FAM234A: variants seen among roughly 807,000 people sequenced by gnomAD.
FAM234A encodes the protein protein FAM234A.
FAM234A carries 42 observed loss-of-function variants against 49.1 expected under a neutral mutation model. That is an observed-to-expected ratio of 0.86 (90% CI 0.67 to 1.11). The LOEUF is 1.11. Among genes scored for constraint, FAM234A ranks in the 50% least tolerant of loss-of-function variants. The pLI, the probability that FAM234A is intolerant of heterozygous loss-of-function variation, is 0.00. For synonymous variants in FAM234A, 369 were observed against 316.2 expected (o/e 1.17, Z -1.77); for missense variants, 815 against 745.2 (o/e 1.09, Z -1.09).
Position 247,296 on chromosome 16 carries a change from AT to A in FAM234A, c.-139-2243del, listed in dbSNP as rs909454078. 4.3e-4 allele frequency among the ~76,000 whole-genome samples: 62 copies of A among 145,628 alleles called. No individual in the cohort carries two copies. In the South Asian group the frequency reaches 9.0e-3, roughly 21 times the overall value. ...AGGCGTGTGCCACCACACCGGGCTGATTTTTTTTTTCTTTCTTTTTAGAAAC... is the reference window on the plus strand; with the variant it reads ...AGGCGTGTGCCACCACACCGGGCTGATTTTTTTTTCTTTCTTTTTAGAAAC... On this transcript the variant is annotated intron_variant, in intron 1 of 12. Coordinates refer to ENST00000399932, the MANE Select transcript of FAM234A (RefSeq NM_032039.4).
downstream of FAM234A, among the ~76,000 whole-genome samples, chr16:267,879 C>A (rs35527239): frequency 7.0e-6 from 1 of 142,186 alleles, no homozygotes; most frequent in Non-Finnish European, 1.5e-5. Flanking sequence ...GCATCCTACA[C>A]GACACATGCA....
At chr16:245,224 G>T (rs1427151877) in intron 1 of FAM234A, among the ~76,000 whole-genome samples, 1 of 152,072 alleles carries the variant, frequency 6.6e-6, no homozygotes, top group Non-Finnish European at 1.5e-5. Flanking sequence ...ATGCACACCT[G>T]TGGTCCCAGC....
chr16:235,105 T>C (rs1456306619), intron 1 of FAM234A, among the ~76,000 whole-genome samples: 1 of 152,242 alleles, frequency 6.6e-6, no homozygotes, highest in Admixed American at 6.5e-5. Flanking sequence ...TTTCCCCCAT[T>C]GCCGCAGCCT....
chr16:240,113 C>T (rs965253914), intron 1 of FAM234A: 1 of 152,020 alleles, frequency 6.6e-6, no homozygotes. Context: ...GTCAAATGCC[C>T]AGCGTGTTCT....
chr16:247,768 C>G (rs963517137), intron 1 of FAM234A, among the ~76,000 whole-genome samples: 1 of 152,052 alleles, frequency 6.6e-6, no homozygotes, highest in Non-Finnish European at 1.5e-5. Flanking sequence ...CTCACAAACT[C>G]TTTTGATCTT....
intron 8 of FAM234A, among the ~76,000 whole-genome samples, chr16:262,805 T>TG (rs1438763102): frequency 2.7e-5 from 4 of 148,710 alleles, no homozygotes; most frequent in African/African-American, 9.9e-5. Context: ...TTCTCTTTTC[T>TG]GTTTTTTTTT....
In FAM234A at chr16:264,701, A is replaced by G. The variant is rs1343836424; in HGVS notation, c.1432A>G (p.Ile478Val). 20 of 1,611,570 alleles carry G rather than the reference A, an allele frequency of 1.2e-5. No individual in the cohort carries two copies. The highest frequency in any genetic ancestry group is 1.5e-5 in the Non-Finnish European group (18 of 1,179,802). Reference protein sequence around the residue: ...LLELANVSTHIVAFDAVLFEP... With the variant: ...LLELANVSTHVVAFDAVLFEP... ...GGAGCTGGCCAATGTCTCTACCCACATTGTCGCCTTTGACGGTGAGTGTGG... is the reference window on the plus strand; with the variant it reads ...GGAGCTGGCCAATGTCTCTACCCACGTTGTCGCCTTTGACGGTGAGTGTGG... Residue 478 changes from isoleucine to valine, a missense_variant, in exon 12 of 13, where the codon ATT becomes GTT. Ile to Val is a conservative substitution (Grantham distance 29, BLOSUM62 3). Transcript: ENST00000399932.
At chr16:249,991 G>A (rs1179875373) in intron 2 of FAM234A, among the ~76,000 whole-genome samples, 1 of 152,042 alleles carries the variant, frequency 6.6e-6, no homozygotes, top group Non-Finnish European at 1.5e-5. Context: ...TGTCGCCCAG[G>A]CTGGAGTGCA....
intron 1 of FAM234A, among the ~76,000 whole-genome samples, chr16:246,352 C>T (rs796618253): frequency 9.7e-5 from 14 of 144,074 alleles, no homozygotes; most frequent in African/African-American, 3.1e-4. Context: ...AGTCTCGGCT[C>T]ACCGCAACCT....
intron 1 of FAM234A, among the ~76,000 whole-genome samples, chr16:239,554 G>A (rs1332441613): frequency 6.7e-6 from 1 of 149,558 alleles, no homozygotes; most frequent in African/African-American, 2.5e-5. Flanking sequence ...GGCGGAGCTT[G>A]CAATGAGTGG....
chr16:263,577 G>A lies in FAM234A; in HGVS notation c.1113-123G>A, dbSNP rs1022725574. 12 of 1,273,704 alleles carry A rather than the reference G, an allele frequency of 9.4e-6. No homozygotes were observed. In the African/African-American group the frequency reaches 1.3e-4, roughly 14 times the overall value. 78.9% of individuals were successfully genotyped at this position (1,273,704 alleles called of 1,614,324 possible). On this transcript the variant is annotated intron_variant, in intron 9 of 12. Coordinates refer to ENST00000399932, the MANE Select transcript of FAM234A (RefSeq NM_032039.4). ...CCCTTGCCCCAGACGTCGGCTCCGTGTCCTGGGCCCTGGTCCAGATGTGGC... is the reference window on the plus strand; with the variant it reads ...CCCTTGCCCCAGACGTCGGCTCCGTATCCTGGGCCCTGGTCCAGATGTGGC...
Position 263,377 on chromosome 16 carries a change from A to G in FAM234A, c.1087A>G (p.Thr363Ala). The G allele has an allele frequency of 1.2e-6, 2 of 1,611,302 alleles. No homozygotes were observed. The highest frequency in any genetic ancestry group is 1.1e-5 in the South Asian group (1 of 91,086). Reference sequence around the variant, plus strand: ...CGGGCAGGAGCTGACGCCTCGCTGGACACCCAAGGCAGCCCATGTCCTGAG... The same window carrying G: ...CGGGCAGGAGCTGACGCCTCGCTGGGCACCCAAGGCAGCCCATGTCCTGAG... ...LDGQELTPRW[T>A]PKAAHVLRKP... is the part of the protein sequence containing the mutation. The change falls in exon 9 of 13, where the codon ACA (threonine) becomes GCA (alanine). Residue 363 changes from threonine to alanine, a missense_variant. Transcript: ENST00000399932.
intron 1 of FAM234A, among the ~76,000 whole-genome samples, chr16:239,988 C>A (rs1172380061): frequency 1.3e-5 from 2 of 152,130 alleles, no homozygotes; most frequent in African/African-American, 4.8e-5. Context: ...GAAATAGCTG[C>A]TTGCTGTAAA....
At chr16:257,479 C>T (rs866733962) in intron 3 of FAM234A, among the ~76,000 whole-genome samples, 4 of 151,894 alleles carry the variant, frequency 2.6e-5, no homozygotes, top group Non-Finnish European at 5.9e-5. Context: ...CTCTTGACCT[C>T]AGGTGATCCA....
At position 255,270 on chromosome 16, in the gene FAM234A, G is replaced by A. The variant is rs556706610; in HGVS notation, c.268+589G>A. Among the ~76,000 whole-genome samples the A allele has an allele frequency of 6.0e-4, 91 of 152,302 alleles. No individual in the cohort carries two copies. In the East Asian group the frequency reaches 0.014, roughly 24 times the overall value. ...CTCCCAACGTGCTGGGATTACAGGTGTAAGTCACCACACCTGGCCCAATTC... is the reference window on the plus strand; with the variant it reads ...CTCCCAACGTGCTGGGATTACAGGTATAAGTCACCACACCTGGCCCAATTC... On this transcript the variant is annotated intron_variant, in intron 3 of 12. Coordinates refer to ENST00000399932, the MANE Select transcript of FAM234A (RefSeq NM_032039.4).
chr16:259,425 A>G, intron 3 of FAM234A, 58 bp from the exon 4 acceptor site: 3 of 991,544 alleles, frequency 3.0e-6, no homozygotes, highest in Non-Finnish European at 4.8e-6. Flanking sequence ...GCTGGACCTG[A>G]TCGTTCCTGG....
intron 1 of FAM234A, among the ~76,000 whole-genome samples, chr16:236,064 CCA>C (rs1383328245): frequency 1.3e-5 from 2 of 151,952 alleles, no homozygotes. Context: ...GCGATTCTCC[CCA>C]CTCAGCCTCC....
intron 3 of FAM234A, among the ~76,000 whole-genome samples, chr16:257,901 A>G (rs2051298906): frequency 6.6e-6 from 1 of 151,812 alleles, no homozygotes; most frequent in Non-Finnish European, 1.5e-5. Context: ...TCTGTCGCCC[A>G]GGCTGGAGTG....
chr16:268,700 GAGGAAT>G, downstream of FAM234A: 1 of 1,462,408 alleles, frequency 6.8e-7, no homozygotes. Flanking sequence ...TTTGGCGAGG[GAGGAAT>G]AGGCGCAGCT....
Sources: gnomAD v4.1 joint callset for allele counts (sites outside exome capture counted in the v4.1 genomes callset) on GRCh38, gnomAD v4.1.1 for gene constraint, MANE v1.5 for transcripts, NCBI Gene and HGNC (gene_info 2026-07-23, HGNC 2026-07-21) for gene names.